Variants in GRID2IP observed in about 807,000 individuals in gnomAD.
The protein encoded by GRID2IP is delphilin.
Under a neutral mutation model 114.3 loss-of-function variants are expected in GRID2IP, and 78 were observed. The observed-to-expected ratio is 0.68, with a 90% CI of 0.57 to 0.82. GRID2IP has a LOEUF of 0.82. Among genes scored for constraint, GRID2IP ranks in the 40% least tolerant of loss-of-function variants. The probability of loss-of-function intolerance (pLI) is 0.00; values close to 1 mark genes in which losing one functional copy is unlikely to be tolerated. For synonymous variants in GRID2IP, 809 were observed against 724.0 expected (o/e 1.12, Z -1.89); for missense variants, 1,727 against 1,678.5 (o/e 1.03, Z -0.51).
At chr7:6,548,534 T>C (rs1233353989) in intron 1 of GRID2IP, among the ~76,000 whole-genome samples, 2 of 151,706 alleles carry the variant, frequency 1.3e-5, no homozygotes, top group Admixed American at 1.3e-4. Flanking sequence ...AAATTAAAAA[T>C]CAAAATAATG....
At chr7:6,529,645 C>T (rs1484806032) in intron 2 of GRID2IP, among the ~76,000 whole-genome samples, 1 of 152,182 alleles carries the variant, frequency 6.6e-6, no homozygotes, top group African/African-American at 2.4e-5. Context: ...CCAGAGTCCC[C>T]AGCCCTGGGT....
At chr7:6,527,590 T>C (rs1178044155) in intron 2 of GRID2IP, among the ~76,000 whole-genome samples, 1 of 152,138 alleles carries the variant, frequency 6.6e-6, no homozygotes, top group Non-Finnish European at 1.5e-5. Context: ...TCTTTCTCTG[T>C]CTCTCTCGTT....
rs999852439 is a variant in GRID2IP at position 6,526,586 on chromosome 7, A to G, written c.768T>C (p.Asp256=). 51 of 1,196,400 alleles carry G rather than the reference A, an allele frequency of 4.3e-5. No homozygotes were observed. In the African/African-American group the frequency reaches 7.7e-4, roughly 18 times the overall value. 74.1% of individuals were successfully genotyped at this position (1,196,400 alleles called of 1,614,324 possible). The change falls in exon 3 of 22, where the codon GAT becomes GAC. Residue 256 remains aspartate, a synonymous_variant. Coordinates refer to ENST00000457091, the MANE Select transcript of GRID2IP (RefSeq NM_001145118.2). The surrounding 1 kb of genome is among the most constrained non-coding windows in gnomAD (Gnocchi z 7.6). ...AGGAGGCCCTGCGCGGGGGCGGCTC[A>G]TCGGGGCGGCGCGGCGGGGCGCTGG... ...TRASAPPRRP[D]EPPPRRASLL...
rs1351538751 is a variant in GRID2IP at position 6,504,213 on chromosome 7, C to A, written c.2711-526G>T. Among the ~76,000 whole-genome samples, 3 of 146,178 alleles carry A rather than the reference C, an allele frequency of 2.1e-5. No homozygotes were observed. The Admixed American group carries it at 2.1e-4, about 10-fold the overall frequency. On this transcript the variant is annotated intron_variant, in intron 15 of 21. Coordinates refer to ENST00000457091, the MANE Select transcript of GRID2IP (RefSeq NM_001145118.2). ...GGGGCTTTGGGATTGGCCGGGGCTA[C>A]TGTGAGGAGCCTGGCGGGTAGGAGC... is the stretch of plus-strand genomic sequence containing the variant.
chr7:6,514,004 AG>A (rs1488576999), intron 8 of GRID2IP, among the ~76,000 whole-genome samples: 1 of 148,194 alleles, frequency 6.7e-6, no homozygotes, highest in Admixed American at 6.8e-5. Flanking sequence ...CTGTAATCCC[AG>A]TGCTTTGGGA....
chr7:6,518,627 T>C lies in GRID2IP; in HGVS notation c.1268+1951A>G, dbSNP rs1779355815. On this transcript the variant is annotated intron_variant, in intron 7 of 21. Coordinates refer to ENST00000457091, the MANE Select transcript of GRID2IP (RefSeq NM_001145118.2). ...GGAGAGTGCCTGTAGTCCCAGCTAC[T>C]CGGGAGGCTGAGGCAGGAGAATCGC... 3.3e-5 allele frequency among the ~76,000 whole-genome samples: 5 copies of C among 151,932 alleles called. No individual in the cohort carries two copies. In the South Asian group the frequency reaches 1.0e-3, roughly 32 times the overall value.
intron 20 of GRID2IP, among the ~76,000 whole-genome samples, chr7:6,500,915 G>T (rs1213615493): frequency 6.6e-6 from 1 of 152,178 alleles, no homozygotes; most frequent in Non-Finnish European, 1.5e-5. Flanking sequence ...TGGCTGGTAG[G>T]GCCTGACAGG....
rs1378163174 is a variant in GRID2IP, at chr7:6,503,699, G to A, written c.2711-12C>T. ...TGCCAAGAGGATGGCTGCGGGCGGG[G>A]CGGGGCGGTGAGCTGGGCGGGGCCG... is the stretch of plus-strand genomic sequence containing the variant. On this transcript the variant is annotated splice_polypyrimidine_tract_variant and intron_variant, in intron 15 of 21. Transcript: ENST00000457091. The A allele has an allele frequency of 2.0e-6, 3 of 1,467,824 alleles. No individual in the cohort carries two copies. Among genetic ancestry groups the A allele is most frequent in the African/African-American group, 1.5e-5 (1 of 68,426 alleles). The allele number at this position is 1,467,824 out of a possible 1,614,324, so 90.9% of individuals were successfully genotyped here.
intron 20 of GRID2IP, among the ~76,000 whole-genome samples, chr7:6,500,247 A>G (rs1454158021): frequency 2.0e-5 from 3 of 151,658 alleles, no homozygotes; most frequent in Admixed American, 2.0e-4. Context: ...GTGGATCATG[A>G]GGTCAGGAGT....
chr7:6,508,160 T>C lies in GRID2IP; in HGVS notation c.2369A>G (p.Gln790Arg). Residue 790 changes from glutamine (Q) to arginine (R), a missense_variant, in exon 13 of 22, where the codon CAA becomes CGA. Coordinates refer to ENST00000457091, the MANE Select transcript of GRID2IP (RefSeq NM_001145118.2). This position sits in a 1 kb window ranked among gnomAD's most constrained non-coding sequence, Gnocchi z 5.6. ...TGGTGGAGGGACTGGGTGGCTGAGT[T>C]GGGTGAGGGGCTTGGCCAGCGCCTG... is the stretch of plus-strand genomic sequence containing the variant. ...PAQALAKPLT[Q>R]LSHPVPPPPP... 6.7e-6 allele frequency: 10 copies of C among 1,503,322 alleles called. No individual in the cohort carries two copies. The highest frequency in any genetic ancestry group is 8.9e-6 in the Non-Finnish European group (10 of 1,126,996). 93.1% of individuals were successfully genotyped at this position (1,503,322 alleles called of 1,614,324 possible).
intron 1 of GRID2IP, among the ~76,000 whole-genome samples, chr7:6,543,187 G>A (rs576556879): frequency 1.3e-5 from 2 of 152,238 alleles, no homozygotes; most frequent in Admixed American, 1.3e-4. Flanking sequence ...CTGAAGTTAG[G>A]AGTTCGAGAC....
chr7:6,515,535 T>C (rs1278648633), intron 7 of GRID2IP, among the ~76,000 whole-genome samples: 2 of 151,874 alleles, frequency 1.3e-5, no homozygotes, highest in Non-Finnish European at 2.9e-5. Flanking sequence ...CCCAGCACTT[T>C]GGGAGGCTGA....
intron 2 of GRID2IP, among the ~76,000 whole-genome samples, chr7:6,529,868 C>T (rs1195310782): frequency 6.6e-6 from 1 of 152,104 alleles, no homozygotes; most frequent in Non-Finnish European, 1.5e-5. Flanking sequence ...GTTCTCTCTG[C>T]CAGAGTCAGG....
rs184259214 is a variant in GRID2IP, at chr7:6,519,689, G to A, written c.1268+889C>T. Reference sequence around the variant, plus strand: ...GGAGAATCGCTTGAGTCCGGGAGGTGGGGGTTGCGGTGAGCCGAGATCGCA... The same window carrying A: ...GGAGAATCGCTTGAGTCCGGGAGGTAGGGGTTGCGGTGAGCCGAGATCGCA... On this transcript the variant is annotated intron_variant, in intron 7 of 21. Transcript: ENST00000457091. The surrounding 1 kb of genome is among the most constrained non-coding windows in gnomAD (Gnocchi z 4.1). Among the ~76,000 whole-genome samples, 1 of 151,922 alleles carries A rather than the reference G, an allele frequency of 6.6e-6. No homozygotes were observed. The highest frequency in any genetic ancestry group is 2.0e-4 in the East Asian group (1 of 5,088).
At chr7:6,543,564 T>G (rs1243137989) in intron 1 of GRID2IP, among the ~76,000 whole-genome samples, 2 of 152,048 alleles carry the variant, frequency 1.3e-5, no homozygotes, top group Non-Finnish European at 2.9e-5. Flanking sequence ...CAAAGTGGGT[T>G]GCGTCACTCT....
At chr7:6,549,201 G>A (rs1437410745) in intron 1 of GRID2IP, among the ~76,000 whole-genome samples, 1 of 152,160 alleles carries the variant, frequency 6.6e-6, no homozygotes, top group Non-Finnish European at 1.5e-5. Context: ...GCCTGGATCT[G>A]TCCAGTAAAT....
rs1259351382 is a variant in GRID2IP at position 6,514,958 on chromosome 7, A to C, written c.1269-429T>G. Reference sequence around the variant, plus strand: ...CAGAGTGAGACTCCAACTCAAAAAAAAAAAAAAAGAAAAGAAAAAGAGAGA... The same window carrying C: ...CAGAGTGAGACTCCAACTCAAAAAACAAAAAAAAGAAAAGAAAAAGAGAGA... On this transcript the variant is annotated intron_variant, in intron 7 of 21. Coordinates refer to ENST00000457091, the MANE Select transcript of GRID2IP (RefSeq NM_001145118.2). Among the ~76,000 whole-genome samples the C allele has an allele frequency of 1.3e-5, 2 of 151,434 alleles. 1 individual carries two copies. Among genetic ancestry groups the C allele is most frequent in the Admixed American group, 1.3e-4 (2 of 15,188 alleles).
intron 1 of GRID2IP, among the ~76,000 whole-genome samples, chr7:6,546,772 G>A (rs964831891): frequency 2.0e-5 from 3 of 151,930 alleles, no homozygotes; most frequent in Non-Finnish European, 2.9e-5. Context: ...TACCCTCAGC[G>A]GGTTGCTGCC....
chr7:6,511,303 C>T (rs539139775), intron 8 of GRID2IP, among the ~76,000 whole-genome samples: 126 of 152,282 alleles, frequency 8.3e-4, no homozygotes, highest in African/African-American at 2.7e-3. Context: ...ACAACAGCTT[C>T]CAGAGTCTCA....
Sources: gnomAD v4.1 joint callset for allele counts (sites outside exome capture counted in the v4.1 genomes callset) on GRCh38, gnomAD v4.1.1 for gene constraint, Gnocchi (gnomAD v3.1) non-coding constraint, MANE v1.5 for transcripts, NCBI Gene and HGNC (gene_info 2026-07-23, HGNC 2026-07-21) for gene names.